TCF4: variants seen among roughly 807,000 people sequenced by gnomAD.
The protein encoded by TCF4 is transcription factor 4.
TCF4 carries 3 observed loss-of-function variants against 82.1 expected under a neutral mutation model. The observed-to-expected ratio is 0.04, with a 90% CI of 0.02 to 0.09. The LOEUF is 0.09. Among genes scored for constraint, TCF4 ranks in the 10% least tolerant of loss-of-function variants. The probability of loss-of-function intolerance (pLI) is 1.00; values close to 1 mark genes in which losing one functional copy is unlikely to be tolerated. For synonymous variants in TCF4, 276 were observed against 309.6 expected (o/e 0.89, Z 1.14); for missense variants, 518 against 852.7 (o/e 0.61, Z 4.89).
intron 15 of TCF4, among the ~76,000 whole-genome samples, chr18:55,250,370 C>A (rs1376047441): frequency 6.6e-6 from 1 of 152,198 alleles, no homozygotes; most frequent in Non-Finnish European, 1.5e-5. Context: ...CATGGAATAC[C>A]TGGAAACTTC....
At chr18:55,321,481 A>G (rs1307308781) in intron 8 of TCF4, 4 of 867,470 alleles carry the variant, frequency 4.6e-6, no homozygotes, top group African/African-American at 3.3e-5. Context: ...AGTGGGGGGA[A>G]AAAAAGACGA....
At chr18:55,514,722 C>T (rs2146359277) in intron 3 of TCF4, among the ~76,000 whole-genome samples, 1 of 152,140 alleles carries the variant, frequency 6.6e-6, no homozygotes, top group African/African-American at 2.4e-5. Context: ...AAGTAAAAAG[C>T]AACCAATAAA....
upstream of TCF4, among the ~76,000 whole-genome samples, chr18:55,592,294 A>C (rs2097686362): frequency 6.6e-6 from 1 of 152,128 alleles, no homozygotes; most frequent in South Asian, 2.1e-4. Context: ...AACAGCAGAC[A>C]TTTGTTTTTC....
At chr18:55,261,281 A>C (rs1323241819) in intron 12 of TCF4, 185 bp downstream of exon 12, 2 of 697,902 alleles carry the variant, frequency 2.9e-6, no homozygotes, top group African/African-American at 3.9e-5. Context: ...TGAGAGAAAG[A>C]GACTATATAC....
chr18:55,522,901 A>G (rs1348577373), intron 3 of TCF4, among the ~76,000 whole-genome samples: 1 of 152,116 alleles, frequency 6.6e-6, no homozygotes, highest in African/African-American at 2.4e-5. Flanking sequence ...TCCAACTATT[A>G]CAAATATAAA....
At chr18:55,513,459 G>T in intron 3 of TCF4, among the ~76,000 whole-genome samples, 1 of 150,174 alleles carries the variant, frequency 6.7e-6, no homozygotes, top group Admixed American at 6.6e-5. Context: ...GTGTGAATGA[G>T]TCAGAATATG....
At chr18:55,421,295 C>A (rs2094742739) in intron 5 of TCF4, among the ~76,000 whole-genome samples, 2 of 152,230 alleles carry the variant, frequency 1.3e-5, no homozygotes, top group East Asian at 1.9e-4. Context: ...TTTCTTGGAA[C>A]CCCAAGAGTT....
At chr18:55,251,762 T>TC (rs987146810) in intron 15 of TCF4, among the ~76,000 whole-genome samples, 8 of 152,306 alleles carry the variant, frequency 5.3e-5, no homozygotes, top group African/African-American at 1.9e-4. Context: ...AATGAGACTC[T>TC]CACCAGTGCT....
chr18:55,262,257 T>A (rs2058221937), intron 11 of TCF4, among the ~76,000 whole-genome samples: 2 of 152,188 alleles, frequency 1.3e-5, no homozygotes, highest in Non-Finnish European at 2.9e-5. Flanking sequence ...CAAAGAGTAT[T>A]GTGAATAATA....
intron 3 of TCF4, among the ~76,000 whole-genome samples, chr18:55,476,500 T>A (rs1203659981): frequency 1.3e-5 from 2 of 151,958 alleles, no homozygotes; most frequent in Non-Finnish European, 2.9e-5. Context: ...TGAGATGGGG[T>A]CCTGCTCTTC....
At chr18:55,403,347 G>A (rs768139226) in intron 6 of TCF4, 107 bp downstream of exon 6, 44 of 1,260,572 alleles carry the variant, frequency 3.5e-5, no homozygotes, top group Admixed American at 2.7e-4. Flanking sequence ...CTGACTTGCC[G>A]GTGCATCTTT....
At chr18:55,505,584 C>A (rs1440443040) in intron 3 of TCF4, among the ~76,000 whole-genome samples, 1 of 151,778 alleles carries the variant, frequency 6.6e-6, no homozygotes, top group Non-Finnish European at 1.5e-5. Flanking sequence ...GCGGGCGGAT[C>A]ACGAGGTCAG....
intron 5 of TCF4, among the ~76,000 whole-genome samples, chr18:55,459,785 A>G (rs1313562355): frequency 1.3e-5 from 2 of 152,208 alleles, no homozygotes; most frequent in East Asian, 1.9e-4. Context: ...GTTAAAACGT[A>G]AATATGAAAT....
chr18:55,408,405 C>T (rs559454115), intron 5 of TCF4, among the ~76,000 whole-genome samples: 2 of 152,202 alleles, frequency 1.3e-5, no homozygotes, highest in South Asian at 4.1e-4. Flanking sequence ...TGTCCCCATC[C>T]CCAGTCCCAT....
chr18:55,319,951 G>A (rs568603463), intron 8 of TCF4, among the ~76,000 whole-genome samples: 2 of 152,168 alleles, frequency 1.3e-5, no homozygotes, highest in Non-Finnish European at 1.5e-5. Flanking sequence ...AAAAACCATG[G>A]AAACTTATAT....
chr18:55,321,964 C>CT, intron 8 of TCF4: 2 of 1,319,842 alleles, frequency 1.5e-6, no homozygotes, highest in Non-Finnish European at 1.9e-6. Flanking sequence ...CAGCCCGGCC[C>CT]TGATGGAGCT....
chr18:55,341,701 T>A (rs2079999875), intron 8 of TCF4, among the ~76,000 whole-genome samples: 1 of 152,182 alleles, frequency 6.6e-6, no homozygotes, highest in South Asian at 2.1e-4. Flanking sequence ...GTGAGTCTGG[T>A]TTCTATAGGA....
chr18:55,482,659 T>C (rs1381203684), intron 3 of TCF4: 2 of 152,220 alleles, frequency 1.3e-5, no homozygotes, highest in Admixed American at 6.5e-5. Context: ...AGCAACTTTC[T>C]TAATTGTGAA....
intron 3 of TCF4, among the ~76,000 whole-genome samples, chr18:55,552,590 C>T (rs1239194751): frequency 6.6e-6 from 1 of 152,192 alleles, no homozygotes; most frequent in African/African-American, 2.4e-5. Context: ...CGGGACACAC[C>T]AGTGCTGACT....
Sources: gnomAD v4.1 joint callset for allele counts (sites outside exome capture counted in the v4.1 genomes callset) on GRCh38, gnomAD v4.1.1 for gene constraint, MANE v1.5 for transcripts, NCBI Gene and HGNC (gene_info 2026-07-23, HGNC 2026-07-21) for gene names.